Variants in DNAI4 observed in about 807,000 individuals in gnomAD.
DNAI4 encodes the protein WD repeat domain 78.
In DNAI4, 85 loss-of-function variants were observed where a neutral mutation model predicts 105.8. That is an observed-to-expected ratio of 0.80 (90% CI 0.67 to 0.96). The LOEUF (loss-of-function observed/expected upper bound fraction) is 0.96, where lower values mean the gene tolerates loss of function less well. Among genes scored for constraint, DNAI4 ranks in the 40% least tolerant of loss-of-function variants. The probability of loss-of-function intolerance (pLI) is 0.00; values close to 1 mark genes in which losing one functional copy is unlikely to be tolerated. For missense variants in DNAI4, 1,014 were observed against 1,005.6 expected (o/e 1.01, Z -0.11); for synonymous variants, 352 against 331.5 (o/e 1.06, Z -0.67).
chr1:66,923,554 C>T (rs1487949125), intron 1 of DNAI4, among the ~76,000 whole-genome samples: 1 of 152,096 alleles, frequency 6.6e-6, no homozygotes, highest in African/African-American at 2.4e-5. Flanking sequence ...GATCGAGAAG[C>T]GATAAACCCG....
chr1:66,860,909 T>C (rs1028078238), intron 7 of DNAI4: 1 of 152,184 alleles, frequency 6.6e-6, no homozygotes, highest in Non-Finnish European at 1.5e-5. Flanking sequence ...AAATAATTTA[T>C]TCTTCCCCTT....
chr1:66,855,522 G>C (rs929860929), intron 7 of DNAI4, among the ~76,000 whole-genome samples: 7 of 152,272 alleles, frequency 4.6e-5, no homozygotes, highest in African/African-American at 1.7e-4. Flanking sequence ...AATGGAGAAA[G>C]ATATACTATC....
In DNAI4 at chr1:66,826,125, T is replaced by A. The variant is rs528588248; in HGVS notation, c.2339+695A>T. On this transcript the variant is annotated intron_variant, in intron 15 of 16. Transcript: ENST00000371026. ...AACAAGGTAAGAGCATAAGTAAATG[T>A]TGCAAAAATAATTACTTTGTCCCTT... is the stretch of plus-strand genomic sequence containing the variant. Among the ~76,000 whole-genome samples the A allele has an allele frequency of 6.3e-4, 96 of 152,338 alleles. 1 individual carries two copies. The highest frequency in any genetic ancestry group is 1.9e-3 in the African/African-American group (77 of 41,574).
chr1:66,915,665 T>TA (rs1236766968), intron 1 of DNAI4, among the ~76,000 whole-genome samples: 2 of 152,222 alleles, frequency 1.3e-5, no homozygotes, highest in East Asian at 1.9e-4. Flanking sequence ...TGTATCATTT[T>TA]AAAAAAACGG....
At chr1:66,887,321 C>T (rs990742001) in intron 4 of DNAI4, among the ~76,000 whole-genome samples, 2 of 152,304 alleles carry the variant, frequency 1.3e-5, no homozygotes, top group South Asian at 2.1e-4. Context: ...GCCCTTGTCA[C>T]CACAGTTCTC....
In DNAI4 at chr1:66,862,261, C is replaced by A. The variant is rs1173057343; in HGVS notation, c.982G>T (p.Ala328Ser). The change falls in exon 7 of 17, where the codon GCT (alanine) becomes TCT (serine). Residue 328 changes from alanine to serine, a missense_variant. By Grantham distance (99) the Ala-to-Ser change is moderately conservative (BLOSUM62 1). Transcript: ENST00000371026. ...ACTGATAAAGATACAAGTTCCATAGCATTGTAAGAATCATACAAATCCCAG... is the reference window on the plus strand; with the variant it reads ...ACTGATAAAGATACAAGTTCCATAGAATTGTAAGAATCATACAAATCCCAG... ...TAWDLYDSYNAMELVSLSVKQ... is the reference protein window; with the variant it reads ...TAWDLYDSYNSMELVSLSVKQ... 2 of 1,610,310 alleles carry A rather than the reference C, an allele frequency of 1.2e-6. No individual in the cohort carries two copies. The highest frequency in any genetic ancestry group is 1.7e-6 in the Non-Finnish European group (2 of 1,178,884).
At chr1:66,878,820 C>T (rs112936845) in intron 4 of DNAI4, among the ~76,000 whole-genome samples, 4 of 152,242 alleles carry the variant, frequency 2.6e-5, no homozygotes, top group African/African-American at 9.6e-5. Context: ...TAACCAATAC[C>T]CCCATGGGAA....
chr1:66,855,316 C>G (rs1646477954), intron 7 of DNAI4, among the ~76,000 whole-genome samples: 1 of 152,234 alleles, frequency 6.6e-6, no homozygotes, highest in African/African-American at 2.4e-5. Flanking sequence ...CTGACCAACT[C>G]TGATACTTAC....
At chr1:66,814,576 G>A (rs748518315) in intron 16 of DNAI4, among the ~76,000 whole-genome samples, 6 of 152,116 alleles carry the variant, frequency 3.9e-5, no homozygotes, top group Non-Finnish European at 4.4e-5. Flanking sequence ...CACTGTGTTA[G>A]CTAGGATGGT....
At chr1:66,903,575 C>T (rs1048166096) in intron 2 of DNAI4, among the ~76,000 whole-genome samples, 6 of 152,164 alleles carry the variant, frequency 3.9e-5, no homozygotes, top group Admixed American at 2.0e-4. Flanking sequence ...TCACTGCAAC[C>T]CTCTGCCTGC....
intron 6 of DNAI4, 33 bp from the exon 7 acceptor site, chr1:66,862,335 T>C: frequency 6.3e-7 from 1 of 1,587,596 alleles, no homozygotes; most frequent in South Asian, 1.2e-5. Context: ...AAAAATTGTT[T>C]TAAACCAAAT....
At chr1:66,874,187 C>T (rs1327081323) in intron 5 of DNAI4, among the ~76,000 whole-genome samples, 1 of 151,842 alleles carries the variant, frequency 6.6e-6, no homozygotes, top group African/African-American at 2.4e-5. Flanking sequence ...ATAAAGGGGT[C>T]AATTCTTCAT....
rs1173392899 is a variant in DNAI4, at chr1:66,852,150, TAAAC to T, written c.1097-4476_1097-4473del. ...CATAAATCTCACAACTTAGATAAAA[TAAAC>T]CAATTACTTAAAAACAACTATTAAA... On this transcript the variant is annotated intron_variant, in intron 7 of 16. Transcript: ENST00000371026. 1.3e-4 allele frequency among the ~76,000 whole-genome samples: 19 copies of T among 151,710 alleles called. 1 individual carries two copies. The highest frequency in any genetic ancestry group is 1.2e-3 in the Admixed American group (18 of 15,230).
chr1:66,893,025 AGAAAGAGAG>A (rs1319646360), intron 3 of DNAI4, among the ~76,000 whole-genome samples, 195 bp downstream of exon 3: 5 of 141,716 alleles, frequency 3.5e-5, no homozygotes, highest in African/African-American at 1.1e-4. Context: ...AAAGAAAGAA[AGAAAGAGAG>A]GAAAGAAAGA....
chr1:66,867,815 C>T (rs1019580571), intron 6 of DNAI4, among the ~76,000 whole-genome samples: 1 of 152,058 alleles, frequency 6.6e-6, no homozygotes, highest in African/African-American at 2.4e-5. Flanking sequence ...TGTGTTACTG[C>T]AATAGTTGGA....
intron 8 of DNAI4, among the ~76,000 whole-genome samples, chr1:66,842,743 G>A (rs554861884): frequency 9.9e-5 from 15 of 152,170 alleles, no homozygotes; most frequent in African/African-American, 3.1e-4. Flanking sequence ...ATCTTCCAAA[G>A]TGGATATACC....
chr1:66,892,472 C>A (rs573808805), intron 3 of DNAI4, among the ~76,000 whole-genome samples: 1 of 152,128 alleles, frequency 6.6e-6, no homozygotes, highest in Non-Finnish European at 1.5e-5. Context: ...GATTTTAGTC[C>A]CATCTTTTGG....
intron 2 of DNAI4, among the ~76,000 whole-genome samples, chr1:66,893,804 T>C (rs1557967105): frequency 2.0e-5 from 3 of 152,164 alleles, no homozygotes; most frequent in African/African-American, 7.2e-5. Flanking sequence ...ATGCTTTTGG[T>C]TTACAGTTCT....
At chr1:66,837,065 T>C (rs1237285878) in intron 10 of DNAI4, among the ~76,000 whole-genome samples, 1 of 152,100 alleles carries the variant, frequency 6.6e-6, no homozygotes, top group African/African-American at 2.4e-5. Context: ...AACCAGGTAT[T>C]TAAAAAACAT....
Sources: gnomAD v4.1 joint callset for allele counts (sites outside exome capture counted in the v4.1 genomes callset) on GRCh38, gnomAD v4.1.1 for gene constraint, MANE v1.5 for transcripts, NCBI Gene and HGNC (gene_info 2026-07-23, HGNC 2026-07-21) for gene names.